GPM6A: variants seen among roughly 807,000 people sequenced by gnomAD.
GPM6A encodes the protein neuronal membrane glycoprotein M6-a.
Under a neutral mutation model 32.1 loss-of-function variants are expected in GPM6A, and 7 were observed. The observed-to-expected ratio is 0.22, with a 90% CI of 0.12 to 0.41. The LOEUF (loss-of-function observed/expected upper bound fraction) is 0.41, where lower values mean the gene tolerates loss of function less well. Ranked by LOEUF, GPM6A falls within the 10% of genes least tolerant of loss-of-function variation. The pLI is 1.00. For synonymous variants in GPM6A, 130 were observed against 123.4 expected, an observed-to-expected ratio of 1.05 and a Z score of -0.35; for missense variants, 235 against 347.2, an observed-to-expected ratio of 0.68 and a Z score of 2.57.
At chr4:175,659,242 A>G (rs1016793987) in intron 3 of GPM6A, among the ~76,000 whole-genome samples, 55 of 151,774 alleles carry the variant, frequency 3.6e-4, no homozygotes, top group African/African-American at 1.3e-3. Flanking sequence ...GCCGCAGCAC[A>G]TGGCTAATTT....
intron 1 of GPM6A, among the ~76,000 whole-genome samples, chr4:175,924,839 CAAAAAAAAA>C (rs1190915755): frequency 1.6e-5 from 1 of 61,994 alleles, no homozygotes; most frequent in Non-Finnish European, 3.8e-5. Flanking sequence ...AAATCTGTCT[CAAAAAAAAA>C]AAAAAAAAAA....
chr4:175,889,349 C>A (rs1315946139), intron 1 of GPM6A, among the ~76,000 whole-genome samples: 5 of 152,004 alleles, frequency 3.3e-5, no homozygotes, highest in African/African-American at 1.2e-4. Context: ...TATGGTGAGA[C>A]CCTGCCACTA....
intron 1 of GPM6A, among the ~76,000 whole-genome samples, chr4:175,709,002 G>A (rs901098165): frequency 6.6e-6 from 1 of 152,080 alleles, no homozygotes; most frequent in African/African-American, 2.4e-5. Flanking sequence ...GATCTAATAC[G>A]CTGATGTTTA....
At chr4:175,767,839 C>CTTGGGATGTTCTA (rs1202693913) in intron 1 of GPM6A, among the ~76,000 whole-genome samples, 1 of 152,200 alleles carries the variant, frequency 6.6e-6, no homozygotes, top group African/African-American at 2.4e-5. Flanking sequence ...TAGAACATCC[C>CTTGGGATGTTCTA]AAGGCCTCCA....
intron 3 of GPM6A, among the ~76,000 whole-genome samples, chr4:175,669,445 T>C (rs1374825774): frequency 2.6e-5 from 4 of 152,172 alleles, no homozygotes. Context: ...ACTTACCAGT[T>C]GAACATCCCA....
intron 1 of GPM6A, among the ~76,000 whole-genome samples, chr4:175,947,896 A>G (rs1739662872): frequency 6.6e-6 from 1 of 152,236 alleles, no homozygotes; most frequent in Non-Finnish European, 1.5e-5. Context: ...AATACCTAGA[A>G]CACAGTAGGC....
At chr4:175,851,227 G>C (rs1007867672) in intron 1 of GPM6A, among the ~76,000 whole-genome samples, 6 of 151,758 alleles carry the variant, frequency 4.0e-5, no homozygotes, top group Non-Finnish European at 7.4e-5. Context: ...TGTGGTGGCG[G>C]GCACCTGTAA....
chr4:175,926,851 G>T (rs975257664), intron 1 of GPM6A, among the ~76,000 whole-genome samples: 40 of 152,094 alleles, frequency 2.6e-4, no homozygotes, highest in Non-Finnish European at 5.9e-5. Flanking sequence ...AAAATAAATT[G>T]AACGTAGAGT....
rs146596074 is a variant in GPM6A at position 175,914,507 on chromosome 4, G to A, written c.-23+87802C>T. On this transcript the variant is annotated intron_variant, in intron 1 of 7. Transcript: ENST00000280187. ...CCAGTTAATTTTTGTATTTTGAGTA[G>A]AGACAGGGTTTCATCATGTTGGCCT... is the stretch of plus-strand genomic sequence containing the variant. Among the ~76,000 whole-genome samples, 732 of 152,238 alleles carry A rather than the reference G, an allele frequency of 4.8e-3. 3 individuals carry two copies. The highest frequency in any genetic ancestry group is 8.4e-3 in the Non-Finnish European group (572 of 68,024).
chr4:175,964,704 G>C (rs1740279623), intron 1 of GPM6A, among the ~76,000 whole-genome samples: 2 of 152,192 alleles, frequency 1.3e-5, no homozygotes, highest in Non-Finnish European at 1.5e-5. Context: ...TCCAAATACA[G>C]ACACATTCTG....
At chr4:175,867,058 A>C (rs1276947176) in intron 1 of GPM6A, among the ~76,000 whole-genome samples, 1 of 152,130 alleles carries the variant, frequency 6.6e-6, no homozygotes, top group African/African-American at 2.4e-5. Flanking sequence ...ACCTTATTTG[A>C]TAAGGGGTCT....
At chr4:175,959,996 A>G (rs533190137) in intron 1 of GPM6A, among the ~76,000 whole-genome samples, 2 of 152,314 alleles carry the variant, frequency 1.3e-5, no homozygotes, top group East Asian at 3.9e-4. Flanking sequence ...TCCACATCCC[A>G]CTTTACAAGC....
intron 3 of GPM6A, among the ~76,000 whole-genome samples, chr4:175,671,597 G>A (rs996490666): frequency 2.0e-5 from 3 of 150,282 alleles, no homozygotes; most frequent in African/African-American, 7.3e-5. Context: ...CAAGTCCTGC[G>A]TGATATGCAA....
intron 1 of GPM6A, among the ~76,000 whole-genome samples, chr4:175,855,381 A>C (rs1244744931): frequency 6.6e-6 from 1 of 152,220 alleles, no homozygotes; most frequent in Admixed American, 6.5e-5. Context: ...AATGTATGCA[A>C]ATAATATATT....
chr4:175,706,321 G>A (rs1745191080), intron 1 of GPM6A, among the ~76,000 whole-genome samples: 2 of 152,240 alleles, frequency 1.3e-5, no homozygotes, highest in South Asian at 4.2e-4. Flanking sequence ...TTTAAACATT[G>A]TGAAGTCAAA....
intron 1 of GPM6A, among the ~76,000 whole-genome samples, chr4:175,798,051 G>A (rs1734306826): frequency 6.6e-6 from 1 of 152,150 alleles, no homozygotes; most frequent in Admixed American, 6.5e-5. Context: ...GAAATGAAGT[G>A]CCGTAATCAT....
intron 1 of GPM6A, among the ~76,000 whole-genome samples, chr4:175,936,997 A>G (rs1739262211): frequency 6.6e-6 from 1 of 152,190 alleles, no homozygotes; most frequent in Non-Finnish European, 1.5e-5. Context: ...AAATTAAAAC[A>G]AATGTAAATT....
At chr4:175,860,633 A>G (rs1463884899) in intron 1 of GPM6A, among the ~76,000 whole-genome samples, 1 of 152,336 alleles carries the variant, frequency 6.6e-6, no homozygotes, top group East Asian at 1.9e-4. Flanking sequence ...ATTATGGTCT[A>G]TGCTGTCAAT....
chr4:175,897,959 G>A (rs1278744624), intron 1 of GPM6A, among the ~76,000 whole-genome samples: 1 of 152,166 alleles, frequency 6.6e-6, no homozygotes, highest in Non-Finnish European at 1.5e-5. Flanking sequence ...TGGCAAGTAA[G>A]ACAACACTAA....
Sources: gnomAD v4.1 joint callset for allele counts (sites outside exome capture counted in the v4.1 genomes callset) on GRCh38, gnomAD v4.1.1 for gene constraint, MANE v1.5 for transcripts, NCBI Gene and HGNC (gene_info 2026-07-23, HGNC 2026-07-21) for gene names.